The following CACNA2D2 variants were observed in gnomAD, a reference collection of about 807,000 sequenced individuals.
The protein encoded by CACNA2D2 is voltage-dependent calcium channel subunit alpha-2/delta-2.
A neutral mutation model predicts 166.4 loss-of-function variants in CACNA2D2; 48 were observed. That is an observed-to-expected ratio of 0.29 (90% CI 0.23 to 0.37). CACNA2D2 has a LOEUF of 0.37. CACNA2D2 is among the 10% of genes least tolerant of loss of function. The probability of loss-of-function intolerance (pLI) is 1.00; values close to 1 mark genes in which losing one functional copy is unlikely to be tolerated. For synonymous variants in CACNA2D2, 561 were observed against 573.7 expected, an observed-to-expected ratio of 0.98 and a Z score of 0.32; for missense variants, 1,122 against 1,433.0, an observed-to-expected ratio of 0.78 and a Z score of 3.50.
intron 1 of CACNA2D2, among the ~76,000 whole-genome samples, chr3:50,500,037 G>A (rs1698892024): frequency 6.6e-6 from 1 of 152,170 alleles, no homozygotes; most frequent in East Asian, 1.9e-4. Context: ...GATGAGTGAT[G>A]CTGCCTCCCT....
Position 50,394,067 on chromosome 3 carries a change from T to C in CACNA2D2, c.465+42A>G, listed in dbSNP as rs747269182. 24 of 1,585,902 alleles carry C rather than the reference T, an allele frequency of 1.5e-5. No homozygotes were observed. In the South Asian group the frequency reaches 2.7e-4, roughly 18 times the overall value. On this transcript the variant is annotated intron_variant, in intron 4 of 37. Transcript: ENST00000424201. ...CCCAGCATTCAAATCCACGCATGGATGGGCATGCCCTAAGTGCTGGGCAGG... is the reference window on the plus strand; with the variant it reads ...CCCAGCATTCAAATCCACGCATGGACGGGCATGCCCTAAGTGCTGGGCAGG...
At chr3:50,467,625 A>T (rs1371220970) in intron 2 of CACNA2D2, among the ~76,000 whole-genome samples, 1 of 152,176 alleles carries the variant, frequency 6.6e-6, no homozygotes, top group Non-Finnish European at 1.5e-5. Context: ...ACACCCTTGC[A>T]TACTGAGGTC....
chr3:50,444,871 G>A (rs1708768361), intron 2 of CACNA2D2, among the ~76,000 whole-genome samples: 1 of 152,196 alleles, frequency 6.6e-6, no homozygotes, highest in Non-Finnish European at 1.5e-5. Flanking sequence ...GACCTGCCCT[G>A]TACCAGTGCA....
intron 24 of CACNA2D2, 68 bp downstream of exon 24, chr3:50,368,070 G>A (rs1704447045): frequency 7.7e-7 from 1 of 1,299,958 alleles, no homozygotes; most frequent in Non-Finnish European, 1.1e-6. Flanking sequence ...CCGGCCTCTG[G>A]GTTCCTCTGG....
chr3:50,378,885 G>T (rs1267863714), intron 13 of CACNA2D2, 30 bp downstream of exon 13: 1 of 1,609,764 alleles, frequency 6.2e-7, no homozygotes, highest in African/African-American at 1.3e-5. Context: ...TGGCAGGCAG[G>T]CCCCTGACAG....
chr3:50,454,738 AAGG>A (rs1342216829), intron 2 of CACNA2D2, among the ~76,000 whole-genome samples: 1 of 152,164 alleles, frequency 6.6e-6, no homozygotes, highest in Non-Finnish European at 1.5e-5. Flanking sequence ...CCTGTTAGTG[AAGG>A]AGGAGCCAAG....
chr3:50,460,809 A>C (rs894089021), intron 2 of CACNA2D2, among the ~76,000 whole-genome samples: 9 of 152,036 alleles, frequency 5.9e-5, no homozygotes, highest in Admixed American at 5.9e-4. Context: ...AGCCGAGATC[A>C]CGCCACTGCA....
intron 3 of CACNA2D2, among the ~76,000 whole-genome samples, chr3:50,398,306 T>A (rs1283026570): frequency 6.6e-6 from 1 of 152,104 alleles, no homozygotes; most frequent in Non-Finnish European, 1.5e-5. Flanking sequence ...TACCAGGCCC[T>A]GCACATGCTG....
intron 1 of CACNA2D2, among the ~76,000 whole-genome samples, chr3:50,484,068 A>G (rs570868529): frequency 6.6e-6 from 1 of 152,206 alleles, no homozygotes; most frequent in Admixed American, 6.5e-5. Context: ...ACGAGATCCG[A>G]GATCCTGACG....
At chr3:50,489,252 C>T (rs1204403560) in intron 1 of CACNA2D2, among the ~76,000 whole-genome samples, 1 of 152,182 alleles carries the variant, frequency 6.6e-6, no homozygotes, top group African/African-American at 2.4e-5. Context: ...TGCATCAGGG[C>T]CCACAGCTCC....
intron 14 of CACNA2D2, 45 bp from the exon 15 acceptor site, chr3:50,378,142 C>T (rs1398421388): frequency 6.3e-7 from 1 of 1,598,530 alleles, no homozygotes; most frequent in African/African-American, 1.3e-5. Flanking sequence ...CTTTCCCAGG[C>T]ACTGCCTGTT....
intron 2 of CACNA2D2, among the ~76,000 whole-genome samples, chr3:50,447,574 C>T (rs71326932): frequency 0.13 from 20,374 of 152,112 alleles, 2,258 homozygotes; most frequent in East Asian, 0.41. Flanking sequence ...CCCTCCCATA[C>T]CACTGGGCCT....
intron 4 of CACNA2D2, among the ~76,000 whole-genome samples, chr3:50,393,644 C>A (rs1351844531): frequency 1.3e-5 from 2 of 152,188 alleles, no homozygotes; most frequent in Non-Finnish European, 2.9e-5. Flanking sequence ...GCCCAGTCCC[C>A]TGAGCCCAGC....
intron 3 of CACNA2D2, among the ~76,000 whole-genome samples, chr3:50,399,267 G>A (rs1213416099): frequency 1.3e-5 from 2 of 152,216 alleles, no homozygotes; most frequent in Admixed American, 6.5e-5. Context: ...AGGGTCTGAG[G>A]AGCAACTGCC....
intron 3 of CACNA2D2, among the ~76,000 whole-genome samples, chr3:50,424,840 T>C (rs1707733159): frequency 6.6e-6 from 1 of 152,062 alleles, no homozygotes. Flanking sequence ...CCATGGCACC[T>C]GGAGCCAGTG....
intron 3 of CACNA2D2, among the ~76,000 whole-genome samples, chr3:50,406,501 C>T (rs149107829): frequency 6.6e-5 from 10 of 151,724 alleles, no homozygotes; most frequent in African/African-American, 9.6e-5. Flanking sequence ...CACCAGAATG[C>T]TACTCCATTC....
In CACNA2D2 at chr3:50,380,776, C is replaced by T. The variant is rs370218675; in HGVS notation, c.814G>A (p.Asp272Asn). ...GGTCTCCTTCGGACATCGTACAGGT[C>T]GATCTTCTTGGGGGCTCGCCACGGG... ...ATPWRAPKKI[D>N]LYDVRRRPWY... The change falls in exon 8 of 38, where the codon GAC becomes AAC. Residue 272 changes from aspartate to asparagine, a missense_variant. By Grantham distance (23) the Asp-to-Asn change is conservative. This residue lies in a region of CACNA2D2 where 840 missense variants were observed against 1,166.8 expected (regional missense o/e 0.72). Coordinates refer to ENST00000424201, the MANE Select transcript of CACNA2D2 (RefSeq NM_006030.4). The surrounding 1 kb of genome is among the most constrained non-coding windows in gnomAD (Gnocchi z 4.9). The T allele has an allele frequency of 4.5e-6, 7 of 1,549,138 alleles. No individual in the cohort carries two copies. The highest frequency in any genetic ancestry group is 2.8e-5 in the African/African-American group (2 of 72,342).
intron 22 of CACNA2D2, among the ~76,000 whole-genome samples, chr3:50,372,520 G>T (rs772597551): frequency 6.6e-6 from 1 of 152,222 alleles, no homozygotes; most frequent in African/African-American, 2.4e-5. Context: ...GCATCAGGGC[G>T]TGAGGCTTCT....
chr3:50,454,878 C>A (rs907377935), intron 2 of CACNA2D2, among the ~76,000 whole-genome samples: 2 of 152,168 alleles, frequency 1.3e-5, no homozygotes, highest in Non-Finnish European at 1.5e-5. Flanking sequence ...TCCTGCCCTG[C>A]GTGCTGGGAA....
Sources: gnomAD v4.1 joint callset for allele counts (sites outside exome capture counted in the v4.1 genomes callset) on GRCh38, gnomAD v4.1.1 for gene constraint, gnomAD v4.1.1 regional missense constraint, Gnocchi (gnomAD v3.1) non-coding constraint, MANE v1.5 for transcripts, NCBI Gene and HGNC (gene_info 2026-07-23, HGNC 2026-07-21) for gene names.